SCN9A: variants seen among roughly 807,000 people sequenced by gnomAD.
SCN9A encodes sodium voltage-gated channel alpha subunit 9.
SCN9A carries 131 observed loss-of-function variants against 187.0 expected under a neutral mutation model. That is an observed-to-expected ratio of 0.70 (90% CI 0.61 to 0.81). The LOEUF is 0.81. SCN9A is among the 30% of genes least tolerant of loss of function. SCN9A has a pLI of 0.00. For missense variants in SCN9A, 2,252 were observed against 2,396.6 expected, an observed-to-expected ratio of 0.94 and a Z score of 1.26; for synonymous variants, 809 against 808.6, an observed-to-expected ratio of 1.00 and a Z score of -0.01.
intron 24 of SCN9A, among the ~76,000 whole-genome samples, chr2:166,210,460 T>TA (rs1372874144): frequency 3.3e-5 from 2 of 60,700 alleles, no homozygotes; most frequent in Non-Finnish European, 7.0e-5. Context: ...TAAAGTATAA[T>TA]AAAAAATAAA....
intron 24 of SCN9A, among the ~76,000 whole-genome samples, chr2:166,207,736 C>T (rs996182691): frequency 2.6e-5 from 4 of 152,108 alleles, no homozygotes; most frequent in African/African-American, 4.8e-5. Context: ...CCACCATATC[C>T]GGCCACCTTA....
At chr2:166,263,916 G>T (rs561302085) in intron 17 of SCN9A, among the ~76,000 whole-genome samples, 6 of 152,106 alleles carry the variant, frequency 3.9e-5, no homozygotes, top group Admixed American at 2.6e-4. Flanking sequence ...AGCCTTTAGA[G>T]AAATCATGGC....
chr2:166,255,691 CAA>C (rs11349739), intron 17 of SCN9A, among the ~76,000 whole-genome samples: 2 of 150,890 alleles, frequency 1.3e-5, no homozygotes, highest in East Asian at 2.0e-4. Flanking sequence ...CTTCACACAA[CAA>C]AAAAAAAGAT....
intron 1 of SCN9A, among the ~76,000 whole-genome samples, chr2:166,334,488 T>A (rs565547663): frequency 6.6e-6 from 1 of 152,220 alleles, no homozygotes; most frequent in African/African-American, 2.4e-5. Context: ...ACAAAATAAG[T>A]ATAATTTTTA....
At chr2:166,248,055 A>G (rs1197356387) in intron 18 of SCN9A, 1 of 152,178 alleles carries the variant, frequency 6.6e-6, no homozygotes, top group Non-Finnish European at 1.5e-5. Flanking sequence ...TAGTAAAGTG[A>G]TAATTATGAA....
chr2:166,218,333 A>G (rs1468758531), intron 24 of SCN9A, among the ~76,000 whole-genome samples: 2 of 151,840 alleles, frequency 1.3e-5, no homozygotes, highest in Non-Finnish European at 2.9e-5. Context: ...TGGGTGCCGC[A>G]CACCAACATG....
chr2:166,203,380 A>G (rs1028552792), intron 26 of SCN9A, among the ~76,000 whole-genome samples: 3 of 151,930 alleles, frequency 2.0e-5, no homozygotes, highest in African/African-American at 7.2e-5. Flanking sequence ...ATGGCAATGA[A>G]TGTATAGGAA....
chr2:166,202,181 G>T, intron 26 of SCN9A, among the ~76,000 whole-genome samples: 1 of 147,776 alleles, frequency 6.8e-6, no homozygotes, highest in Non-Finnish European at 1.5e-5. Context: ...TTGTTTTTTT[G>T]TGCAGTCATT....
At chr2:166,339,148 C>A (rs1195161221) in intron 1 of SCN9A, among the ~76,000 whole-genome samples, 1 of 152,018 alleles carries the variant, frequency 6.6e-6, no homozygotes, top group African/African-American at 2.4e-5. Flanking sequence ...ATAAAACAAT[C>A]CCCAGGAAGT....
intron 17 of SCN9A, among the ~76,000 whole-genome samples, chr2:166,257,257 G>A (rs552349910): frequency 6.6e-6 from 1 of 151,712 alleles, no homozygotes; most frequent in African/African-American, 2.4e-5. Flanking sequence ...AGTAGGTAAA[G>A]AAGGATTGGA....
rs188330812 is a variant in SCN9A, at chr2:166,207,912, C to A, written c.4399-3448G>T. Among the ~76,000 whole-genome samples, 186 of 152,208 alleles carry A rather than the reference C, an allele frequency of 1.2e-3. 3 individuals carry two copies. In the Middle Eastern group the frequency reaches 0.024, roughly 20 times the overall value. ...ATGGGGACTGAAAATTACAGCATGC[C>A]AAGAACTTGACAGAAGAAGCTGGAG... On this transcript the variant is annotated intron_variant, in intron 24 of 26. Coordinates refer to ENST00000642356, the MANE Select transcript of SCN9A (RefSeq NM_001365536.1).
intron 1 of SCN9A, among the ~76,000 whole-genome samples, chr2:166,352,040 AGAAACAC>A (rs1177356904): frequency 6.6e-6 from 1 of 152,216 alleles, no homozygotes; most frequent in Non-Finnish European, 1.5e-5. Flanking sequence ...GCGTTTCTTA[AGAAACAC>A]GTACAATGTT....
At chr2:166,358,484 T>C (rs1285405798) in intron 1 of SCN9A, among the ~76,000 whole-genome samples, 2 of 152,206 alleles carry the variant, frequency 1.3e-5, no homozygotes. Flanking sequence ...TCTGTCTGTA[T>C]GTAGTCTTGT....
chr2:166,277,612 T>C (rs957266083), intron 15 of SCN9A: 22 of 332,872 alleles, frequency 6.6e-5, no homozygotes, highest in African/African-American at 4.6e-4. Context: ...TAATTTGTGA[T>C]ATTTTTCTTT....
intron 17 of SCN9A, among the ~76,000 whole-genome samples, chr2:166,265,872 TA>T (rs1390788411): frequency 2.0e-5 from 3 of 152,034 alleles, no homozygotes; most frequent in Non-Finnish European, 4.4e-5. Context: ...TTTTGAGAAA[TA>T]TCTATTCAGG....
rs767213115 is a variant in SCN9A at position 166,272,873 on chromosome 2, G to T, written c.2877C>A (p.Val959=). ...MMVMVIGNLV[V]LNLFLALLLS... is the part of the protein sequence containing the mutation. ...ATAATAAGGCCAGAAATAGGTTTAGGACCTATATCAGGGTGGGGAGAGGGG... is the reference window on the plus strand; with the variant it reads ...ATAATAAGGCCAGAAATAGGTTTAGTACCTATATCAGGGTGGGGAGAGGGG... Residue 959 remains valine, a splice_region_variant and synonymous_variant, in exon 17 of 27, where the codon GTC becomes GTA. Coordinates refer to ENST00000642356, the MANE Select transcript of SCN9A (RefSeq NM_001365536.1). 10 of 1,429,524 alleles carry T rather than the reference G, an allele frequency of 7.0e-6. No homozygotes were observed. Among genetic ancestry groups the T allele is most frequent in the Non-Finnish European group, 8.3e-6 (9 of 1,078,174 alleles). 88.6% of individuals were successfully genotyped at this position (1,429,524 alleles called of 1,614,324 possible). A position where few individuals can be genotyped will look rare whatever the true frequency, so the allele number is the denominator to read the frequency against.
At chr2:166,209,432 G>C (rs1473306692) in intron 24 of SCN9A, among the ~76,000 whole-genome samples, 1 of 151,954 alleles carries the variant, frequency 6.6e-6, no homozygotes, top group African/African-American at 2.4e-5. Context: ...AACAAAATCA[G>C]GAAGATGATA....
chr2:166,247,472 G>A (rs1695845821), intron 18 of SCN9A, among the ~76,000 whole-genome samples: 1 of 152,022 alleles, frequency 6.6e-6, no homozygotes, highest in Non-Finnish European at 1.5e-5. Flanking sequence ...AAAGGAAGAT[G>A]ATTTGGCTTC....
chr2:166,224,093 C>G (rs1450279082), intron 24 of SCN9A, among the ~76,000 whole-genome samples: 2 of 152,102 alleles, frequency 1.3e-5, no homozygotes, highest in Non-Finnish European at 2.9e-5. Context: ...GTAAGAATAA[C>G]ATTAACAAGC....
Sources: gnomAD v4.1 joint callset for allele counts (sites outside exome capture counted in the v4.1 genomes callset) on GRCh38, gnomAD v4.1.1 for gene constraint, MANE v1.5 for transcripts, NCBI Gene and HGNC (gene_info 2026-07-23, HGNC 2026-07-21) for gene names.